RALYL: variants seen among roughly 807,000 people sequenced by gnomAD.
The protein encoded by RALYL is RNA-binding Raly-like protein.
Under a neutral mutation model 35.1 loss-of-function variants are expected in RALYL, and 29 were observed. That is an observed-to-expected ratio of 0.83 (90% CI 0.61 to 1.13). The LOEUF (loss-of-function observed/expected upper bound fraction) is 1.13. Among genes scored for constraint, RALYL ranks in the 50% most tolerant of loss-of-function variants. The pLI, the probability that RALYL is intolerant of heterozygous loss-of-function variation, is 0.00. For missense variants in RALYL, 359 were observed against 360.4 expected (o/e 1.00, Z 0.03); for synonymous variants, 120 against 127.6 (o/e 0.94, Z 0.40).
chr8:84,330,264 A>G (rs1846565508), intron 1 of RALYL, among the ~76,000 whole-genome samples: 1 of 152,020 alleles, frequency 6.6e-6, no homozygotes. Context: ...AAAAACATAA[A>G]CACTCTACTG....
chr8:84,347,030 C>A (rs1246242683), intron 1 of RALYL, among the ~76,000 whole-genome samples: 1 of 151,664 alleles, frequency 6.6e-6, no homozygotes, highest in Admixed American at 6.6e-5. Flanking sequence ...AAACCTCGTC[C>A]CTACTAAAAA....
intron 2 of RALYL, among the ~76,000 whole-genome samples, chr8:84,532,938 T>G: frequency 6.6e-6 from 1 of 152,106 alleles, no homozygotes. Flanking sequence ...ATGTTTATTC[T>G]TAGCTTCTGT....
chr8:84,599,978 A>T (rs1815532187), intron 2 of RALYL, among the ~76,000 whole-genome samples: 1 of 151,072 alleles, frequency 6.6e-6, no homozygotes, highest in South Asian at 2.1e-4. Context: ...ACCTAGCCTA[A>T]TCTGATGATG....
In RALYL at chr8:84,367,390, A is replaced by ATGC. The variant is rs537853940; in HGVS notation, c.-23-161906_-23-161904dup. The stretch of plus-strand genomic sequence containing the variant: ...TTTTTAGTAGAGGCAGGGTTTCACC[A>ATGC]TGCTGGCTAGGCTGGTTTCAAACTC... On this transcript the variant is annotated intron_variant, in intron 1 of 8. Transcript: ENST00000521268. Among the ~76,000 whole-genome samples the ATGC allele has an allele frequency of 8.3e-3, 922 of 110,734 alleles. 7 individuals are homozygous for ATGC. The highest frequency in any genetic ancestry group is 9.9e-3 in the Non-Finnish European group (579 of 58,692). The allele number at this position is 110,734 out of a possible 152,430, so 72.6% of individuals were successfully genotyped here.
chr8:84,246,469 C>T (rs1352266855), intron 1 of RALYL, among the ~76,000 whole-genome samples: 1 of 152,038 alleles, frequency 6.6e-6, no homozygotes, highest in Non-Finnish European at 1.5e-5. Flanking sequence ...AAAAGCTTCC[C>T]TGAAGAAGTG....
At chr8:84,595,903 G>C (rs548089651) in intron 2 of RALYL, among the ~76,000 whole-genome samples, 8 of 151,672 alleles carry the variant, frequency 5.3e-5, no homozygotes, top group African/African-American at 1.5e-4. Flanking sequence ...TCCTGAGCAA[G>C]AGTAAGCCCT....
rs150752166 is a variant in RALYL, at chr8:84,575,464, G to A, written c.256+45887G>A. On this transcript the variant is annotated intron_variant, in intron 2 of 8. Coordinates refer to ENST00000521268, the MANE Select transcript of RALYL (RefSeq NM_173848.7). ...AATAATTTACTTTACATTTTTATGC[G>A]TTACTGCTGGTCAATAATTGTCTAG... is the stretch of plus-strand genomic sequence containing the variant. 5.1e-4 allele frequency among the ~76,000 whole-genome samples: 77 copies of A among 152,160 alleles called. No individual in the cohort carries two copies. The East Asian group carries it at 0.012, about 23-fold the overall frequency.
At chr8:84,243,660 C>T (rs897035195) in intron 1 of RALYL, among the ~76,000 whole-genome samples, 1 of 152,130 alleles carries the variant, frequency 6.6e-6, no homozygotes, top group Non-Finnish European at 1.5e-5. Context: ...TAATTACTCA[C>T]TTTCCCACCC....
At chr8:84,424,389 T>C (rs2046078995) in intron 1 of RALYL, among the ~76,000 whole-genome samples, 1 of 88,728 alleles carries the variant, frequency 1.1e-5, no homozygotes, top group Admixed American at 1.1e-4. Context: ...GAGCCTTGGT[T>C]TGCAGCTCCA....
chr8:84,676,671 A>T (rs577503166), intron 2 of RALYL, among the ~76,000 whole-genome samples: 2 of 152,358 alleles, frequency 1.3e-5, no homozygotes, highest in African/African-American at 4.8e-5. Context: ...TTATGCCATC[A>T]TTAAGCCTCA....
At chr8:84,375,577 AAGAATTATT>A (rs1310153278) in intron 1 of RALYL, among the ~76,000 whole-genome samples, 1 of 151,828 alleles carries the variant, frequency 6.6e-6, no homozygotes, top group Non-Finnish European at 1.5e-5. Flanking sequence ...AACCTATAGG[AAGAATTATT>A]TGATCCCATT....
At chr8:84,824,167 C>A (rs1829135572) in intron 4 of RALYL, among the ~76,000 whole-genome samples, 1 of 151,654 alleles carries the variant, frequency 6.6e-6, no homozygotes, top group Non-Finnish European at 1.5e-5. Context: ...TTTCAGCCTA[C>A]AAAATCAGTG....
intron 2 of RALYL, among the ~76,000 whole-genome samples, chr8:84,618,309 G>C (rs1298673159): frequency 2.0e-5 from 3 of 151,620 alleles, no homozygotes; most frequent in Non-Finnish European, 4.4e-5. Flanking sequence ...ACTTCTTCCT[G>C]GTTTAGTCTT....
chr8:84,785,410 A>G (rs892922606), intron 3 of RALYL, among the ~76,000 whole-genome samples: 2 of 152,194 alleles, frequency 1.3e-5, no homozygotes, highest in Non-Finnish European at 2.9e-5. Context: ...AGTAAAATGA[A>G]GGAGTTGAAT....
intron 2 of RALYL, among the ~76,000 whole-genome samples, chr8:84,565,414 C>T (rs1015874140): frequency 2.3e-4 from 35 of 151,366 alleles, no homozygotes; most frequent in African/African-American, 2.4e-5. Flanking sequence ...ATCTAAGTAT[C>T]ACTGGGTCTT....
At chr8:84,567,361 T>C (rs1053124442) in intron 2 of RALYL, among the ~76,000 whole-genome samples, 2 of 151,902 alleles carry the variant, frequency 1.3e-5, no homozygotes, top group Admixed American at 1.3e-4. Flanking sequence ...ACTCACCCTC[T>C]ACCACCCTCC....
At chr8:84,284,436 A>G (rs1434781868) in intron 1 of RALYL, among the ~76,000 whole-genome samples, 1 of 152,184 alleles carries the variant, frequency 6.6e-6, no homozygotes, top group Non-Finnish European at 1.5e-5. Context: ...CATAATAGTG[A>G]CATTGGTGTT....
chr8:84,837,559 C>T lies in RALYL; in HGVS notation c.366-12421C>T, dbSNP rs373000765. On this transcript the variant is annotated intron_variant, in intron 4 of 8. Transcript: ENST00000521268. Reference sequence around the variant, plus strand: ...CAAAGGGATTAGATAAAATTGATTACGTATATTGTAAAACCCAATGAGTTG... The same window carrying T: ...CAAAGGGATTAGATAAAATTGATTATGTATATTGTAAAACCCAATGAGTTG... Among the ~76,000 whole-genome samples, 25 of 152,036 alleles carry T rather than the reference C, an allele frequency of 1.6e-4. 1 individual carries two copies. The highest frequency in any genetic ancestry group is 9.8e-4 in the Admixed American group (15 of 15,264).
At chr8:84,554,651 C>T (rs2060969761) in intron 2 of RALYL, among the ~76,000 whole-genome samples, 1 of 152,172 alleles carries the variant, frequency 6.6e-6, no homozygotes, top group Non-Finnish European at 1.5e-5. Context: ...TCTCCTAGCT[C>T]AGAAGAATCC....
Sources: gnomAD v4.1 joint callset for allele counts (sites outside exome capture counted in the v4.1 genomes callset) on GRCh38, gnomAD v4.1.1 for gene constraint, MANE v1.5 for transcripts, NCBI Gene and HGNC (gene_info 2026-07-23, HGNC 2026-07-21) for gene names.